SLC16A7: variants seen among roughly 807,000 people sequenced by gnomAD.
The protein encoded by SLC16A7 is monocarboxylate transporter 2.
A neutral mutation model predicts 34.9 loss-of-function variants in SLC16A7; 33 were observed. The observed-to-expected ratio is 0.94, with a 90% CI of 0.72 to 1.26. The LOEUF (loss-of-function observed/expected upper bound fraction) is 1.26. Among genes scored for constraint, SLC16A7 ranks in the 50% most tolerant of loss-of-function variants. The probability of loss-of-function intolerance (pLI) is 0.00; values close to 1 mark genes in which losing one functional copy is unlikely to be tolerated. For synonymous variants in SLC16A7, 201 were observed against 206.6 expected (o/e 0.97, Z 0.23); for missense variants, 573 against 578.1 (o/e 0.99, Z 0.09).
rs116413967 is a variant in SLC16A7 at position 59,625,073 on chromosome 12, G to A, written c.-130+28837G>A. 3.4e-3 allele frequency among the ~76,000 whole-genome samples: 517 copies of A among 151,786 alleles called. 3 individuals carry two copies. The highest frequency in any genetic ancestry group is 0.011 in the African/African-American group (474 of 41,442). ...TTTCTTGCTATTTGTTTTTCCTACTGTATGTACACTTTTTAGATGCTTTCA... is the reference window on the plus strand; with the variant it reads ...TTTCTTGCTATTTGTTTTTCCTACTATATGTACACTTTTTAGATGCTTTCA... On this transcript the variant is annotated intron_variant, in intron 1 of 5. Coordinates refer to ENST00000547379, the MANE Select transcript of SLC16A7 (RefSeq NM_001270623.2).
intron 3 of SLC16A7, among the ~76,000 whole-genome samples, chr12:59,749,712 T>C (rs536843054): frequency 6.6e-6 from 1 of 152,304 alleles, no homozygotes; most frequent in South Asian, 2.1e-4. Flanking sequence ...AAATTTCTGC[T>C]AGAGAGAAGA....
chr12:59,727,170 A>ATTATATAATATATATATATATATATAAT (rs1555174538), intron 3 of SLC16A7, among the ~76,000 whole-genome samples: 6 of 144,390 alleles, frequency 4.2e-5, no homozygotes, highest in African/African-American at 1.6e-4. Context: ...ATATATATAT[A>ATTATATAATATATATATATATATATAAT]ATATATATAT....
Position 59,644,072 on chromosome 12 carries a change from G to C in SLC16A7, c.-129-11080G>C, listed in dbSNP as rs112276343. On this transcript the variant is annotated intron_variant, in intron 1 of 5. Coordinates refer to ENST00000547379, the MANE Select transcript of SLC16A7 (RefSeq NM_001270623.2). ...CAGCATTTGATAAGTTTGAATATTTGGCTTAAAATATTGATAACATTTGGC... is the reference window on the plus strand; with the variant it reads ...CAGCATTTGATAAGTTTGAATATTTCGCTTAAAATATTGATAACATTTGGC... Among the ~76,000 whole-genome samples, 99 of 152,048 alleles carry C rather than the reference G, an allele frequency of 6.5e-4. 5 individuals are homozygous for C. In the South Asian group the frequency reaches 6.9e-3, roughly 11 times the overall value.
At chr12:59,647,291 A>T (rs1425991200) in intron 1 of SLC16A7, among the ~76,000 whole-genome samples, 2 of 152,142 alleles carry the variant, frequency 1.3e-5, no homozygotes, top group Non-Finnish European at 2.9e-5. Context: ...TAATGTAATC[A>T]TGGAGGCTCT....
intron 2 of SLC16A7, among the ~76,000 whole-genome samples, chr12:59,681,759 C>A (rs1870764227): frequency 6.6e-6 from 1 of 152,100 alleles, no homozygotes; most frequent in South Asian, 2.1e-4. Flanking sequence ...GGATAGGGAT[C>A]TCTCTGTCAC....
chr12:59,614,603 A>C (rs1198708898), intron 1 of SLC16A7, among the ~76,000 whole-genome samples: 1 of 152,008 alleles, frequency 6.6e-6, no homozygotes, highest in Non-Finnish European at 1.5e-5. Context: ...ATTAATGGCC[A>C]TTGTGATAGC....
intron 1 of SLC16A7, among the ~76,000 whole-genome samples, chr12:59,598,347 G>T (rs956899506): frequency 6.6e-6 from 1 of 152,194 alleles, no homozygotes; most frequent in Non-Finnish European, 1.5e-5. Context: ...ATACAGACGG[G>T]CTATATTTGA....
chr12:59,647,593 C>G (rs1402385668), intron 1 of SLC16A7, among the ~76,000 whole-genome samples: 2 of 149,894 alleles, frequency 1.3e-5, no homozygotes, highest in African/African-American at 4.9e-5. Context: ...ATGATCACAT[C>G]AGGTAAAGTT....
chr12:59,716,464 T>A (rs1055048814), intron 3 of SLC16A7, among the ~76,000 whole-genome samples: 1 of 152,190 alleles, frequency 6.6e-6, no homozygotes, highest in African/African-American at 2.4e-5. Context: ...AAATATGATG[T>A]GTGTGCAGGC....
chr12:59,638,570 A>C (rs924128565), intron 1 of SLC16A7, among the ~76,000 whole-genome samples: 2 of 152,148 alleles, frequency 1.3e-5, no homozygotes, highest in African/African-American at 4.8e-5. Context: ...CTGAAAATTT[A>C]AACATTTTCA....
intron 3 of SLC16A7, among the ~76,000 whole-genome samples, chr12:59,724,571 C>A (rs751493813): frequency 9.2e-5 from 14 of 151,898 alleles, no homozygotes; most frequent in Admixed American, 2.0e-4. Flanking sequence ...TTAGCAAATT[C>A]AATTATAATT....
chr12:59,701,963 A>G (rs898737574), intron 2 of SLC16A7, among the ~76,000 whole-genome samples: 7 of 151,850 alleles, frequency 4.6e-5, no homozygotes, highest in Non-Finnish European at 1.0e-4. Flanking sequence ...TGCAAGCAGG[A>G]AAACTGCAGA....
intron 1 of SLC16A7, among the ~76,000 whole-genome samples, chr12:59,621,775 C>T (rs1015289161): frequency 7.3e-5 from 11 of 151,148 alleles, no homozygotes; most frequent in Admixed American, 2.0e-4. Flanking sequence ...ATCATGTCTA[C>T]GGTTTTATTT....
At chr12:59,754,385 G>C (rs901455212) in intron 3 of SLC16A7, among the ~76,000 whole-genome samples, 23 of 152,044 alleles carry the variant, frequency 1.5e-4, no homozygotes, top group African/African-American at 5.5e-4. Flanking sequence ...AGAAAAGAGA[G>C]AAGAATCAAA....
At chr12:59,661,765 T>C (rs903516060) in intron 2 of SLC16A7, among the ~76,000 whole-genome samples, 1 of 152,102 alleles carries the variant, frequency 6.6e-6, no homozygotes, top group Non-Finnish European at 1.5e-5. Flanking sequence ...TTTTCTAGGA[T>C]GTATTAAAAC....
intron 2 of SLC16A7, among the ~76,000 whole-genome samples, chr12:59,676,619 C>G (rs922257666): frequency 9.9e-5 from 15 of 151,930 alleles, no homozygotes; most frequent in African/African-American, 3.6e-4. Flanking sequence ...AATCGCTTTT[C>G]TTTACTCCTC....
At chr12:59,691,969 G>A (rs1248181933) in intron 2 of SLC16A7, among the ~76,000 whole-genome samples, 1 of 151,908 alleles carries the variant, frequency 6.6e-6, no homozygotes, top group Non-Finnish European at 1.5e-5. Context: ...GTTTCCTGGG[G>A]CAGTCGTAGC....
intron 1 of SLC16A7, among the ~76,000 whole-genome samples, chr12:59,603,255 G>A (rs944683747): frequency 3.3e-5 from 5 of 152,140 alleles, no homozygotes; most frequent in African/African-American, 1.2e-4. Flanking sequence ...CATGGTATCA[G>A]ATACTCTCAT....
In SLC16A7 at chr12:59,669,652, T is replaced by TCACACACACACACACACACACACACA. The variant is rs144456899; in HGVS notation, c.-31+14410_-31+14435dup. On this transcript the variant is annotated intron_variant, in intron 2 of 5. Coordinates refer to ENST00000547379, the MANE Select transcript of SLC16A7 (RefSeq NM_001270623.2). Reference sequence around the variant, plus strand: ...CTCTTTAGCAGTTACCCATAGATAGTCACACACACACACACACACACACAC... The same window carrying TCACACACACACACACACACACACACA: ...CTCTTTAGCAGTTACCCATAGATAGTCACACACACACACACACACACACACACACACACACACACACACACACACAC... Among the ~76,000 whole-genome samples, 291 of 139,582 alleles carry TCACACACACACACACACACACACACA rather than the reference T, an allele frequency of 2.1e-3. 1 individual carries two copies. Among genetic ancestry groups the TCACACACACACACACACACACACACA allele is most frequent in the African/African-American group, 4.8e-3 (178 of 36,894 alleles). 91.6% of individuals were successfully genotyped at this position (139,582 alleles called of 152,430 possible).
Sources: gnomAD v4.1 joint callset for allele counts (sites outside exome capture counted in the v4.1 genomes callset) on GRCh38, gnomAD v4.1.1 for gene constraint, MANE v1.5 for transcripts, NCBI Gene and HGNC (gene_info 2026-07-23, HGNC 2026-07-21) for gene names.